Variants in ANO3 observed in about 807,000 individuals in gnomAD.
ANO3 encodes the protein anoctamin-3.
Under a neutral mutation model 144.8 loss-of-function variants are expected in ANO3, and 99 were observed. The ratio of observed to expected loss-of-function variants is 0.68; its 90% CI spans 0.58 to 0.81. The LOEUF is 0.81. Among genes scored for constraint, ANO3 ranks in the 30% least tolerant of loss-of-function variants. The probability of loss-of-function intolerance (pLI) is 0.00; values close to 1 mark genes in which losing one functional copy is unlikely to be tolerated. For synonymous variants in ANO3, 414 were observed against 392.6 expected, an observed-to-expected ratio of 1.05 and a Z score of -0.64; for missense variants, 905 against 1,202.2, an observed-to-expected ratio of 0.75 and a Z score of 3.66.
chr11:26,582,155 C>T (rs1424643887), intron 14 of ANO3, among the ~76,000 whole-genome samples: 1 of 152,170 alleles, frequency 6.6e-6, no homozygotes, highest in Non-Finnish European at 1.5e-5. Flanking sequence ...AATCCATGGT[C>T]TTTGTTCAGT....
At chr11:26,407,718 C>T (rs1179193102) in intron 1 of ANO3, among the ~76,000 whole-genome samples, 1 of 151,834 alleles carries the variant, frequency 6.6e-6, no homozygotes, top group East Asian at 1.9e-4. Flanking sequence ...CTTGCAATGG[C>T]TCTCCGTTTC....
chr11:26,517,524 T>C (rs1330437811), intron 6 of ANO3, among the ~76,000 whole-genome samples: 2 of 152,026 alleles, frequency 1.3e-5, no homozygotes, highest in Non-Finnish European at 2.9e-5. Context: ...CTTTCCTCCA[T>C]CATTTCTCAC....
chr11:26,624,513 CT>C lies in ANO3; in HGVS notation c.1873+17del. 6.3e-7 allele frequency: 1 copy of C among 1,589,136 alleles called. No homozygotes were observed. The highest frequency in any genetic ancestry group is 8.6e-7 in the Non-Finnish European group (1 of 1,158,686). ...CACCAATTTAGGTAAGTCCATTTTT[CT>C]TACTTCACTCCTTAGTCAGAAAATA... On this transcript the variant is annotated intron_variant, in intron 18 of 26. Transcript: ENST00000256737.
chr11:26,303,937 T>C (rs1259632528), intron 1 of ANO3, among the ~76,000 whole-genome samples: 1 of 152,068 alleles, frequency 6.6e-6, no homozygotes, highest in Non-Finnish European at 1.5e-5. Flanking sequence ...CGGGTCTCGA[T>C]CTCTTGACCT....
intron 6 of ANO3, among the ~76,000 whole-genome samples, chr11:26,518,723 C>A (rs1248267594): frequency 2.0e-5 from 3 of 151,392 alleles, no homozygotes; most frequent in African/African-American, 2.4e-5. Flanking sequence ...TGAATGGGTA[C>A]AAAGATTTCT....
At chr11:26,202,045 G>A (rs983260468) in intron 1 of ANO3, among the ~76,000 whole-genome samples, 22 of 150,768 alleles carry the variant, frequency 1.5e-4, no homozygotes, top group African/African-American at 5.1e-4. Context: ...GATACAGCTT[G>A]CATTGGAAAA....
intron 3 of ANO3, among the ~76,000 whole-genome samples, chr11:26,452,377 G>T (rs1350847645): frequency 6.6e-6 from 1 of 152,154 alleles, no homozygotes; most frequent in Non-Finnish European, 1.5e-5. Context: ...ATACAGAGAA[G>T]TGCTTAAAGG....
At chr11:26,213,893 G>T (rs1851984363) in intron 1 of ANO3, among the ~76,000 whole-genome samples, 1 of 151,960 alleles carries the variant, frequency 6.6e-6, no homozygotes, top group African/African-American at 2.4e-5. Context: ...AAGGACTATT[G>T]CAAATCATTG....
At chr11:26,387,252 A>G (rs1053165462) in intron 1 of ANO3, among the ~76,000 whole-genome samples, 1 of 151,308 alleles carries the variant, frequency 6.6e-6, no homozygotes, top group African/African-American at 2.4e-5. Flanking sequence ...GATTACAGAC[A>G]TGAGCCACCA....
At chr11:26,358,049 A>G (rs936839553) in intron 1 of ANO3, among the ~76,000 whole-genome samples, 10 of 152,320 alleles carry the variant, frequency 6.6e-5, no homozygotes, top group East Asian at 1.9e-4. Context: ...TCTTTATAAC[A>G]ACTTCATACG....
chr11:26,484,400 G>A (rs945923652), intron 4 of ANO3, among the ~76,000 whole-genome samples: 6 of 152,146 alleles, frequency 3.9e-5, no homozygotes, highest in African/African-American at 1.2e-4. Flanking sequence ...TATGTCTCAG[G>A]CCACTGCTCC....
intron 1 of ANO3, among the ~76,000 whole-genome samples, chr11:26,302,581 C>T (rs928308201): frequency 3.3e-5 from 5 of 151,962 alleles, no homozygotes; most frequent in African/African-American, 1.2e-4. Flanking sequence ...CGGCCTTAAA[C>T]AAATATTACT....
At chr11:26,283,319 TAA>T (rs201578197) in intron 1 of ANO3, among the ~76,000 whole-genome samples, 511 of 36,384 alleles carry the variant, frequency 0.014, 2 homozygotes, top group South Asian at 0.015. Flanking sequence ...AACAAATAAA[TAA>T]ATATATATAT....
intron 1 of ANO3, among the ~76,000 whole-genome samples, chr11:26,393,432 A>T (rs1856931018): frequency 1.3e-5 from 2 of 152,138 alleles, no homozygotes; most frequent in African/African-American, 2.4e-5. Flanking sequence ...AGGGAATGAA[A>T]GAGGGGAAAG....
chr11:26,344,773 T>C (rs904541677), intron 1 of ANO3, among the ~76,000 whole-genome samples: 1 of 152,164 alleles, frequency 6.6e-6, no homozygotes, highest in Non-Finnish European at 1.5e-5. Flanking sequence ...GATAACTGAG[T>C]TGGTGGTAAG....
chr11:26,294,454 T>C (rs546163880), intron 1 of ANO3, among the ~76,000 whole-genome samples: 1 of 150,390 alleles, frequency 6.6e-6, no homozygotes, highest in Admixed American at 6.5e-5. Flanking sequence ...ATGTATTACA[T>C]GTTGATTTGA....
chr11:26,253,332 T>C (rs1424625903), intron 1 of ANO3, among the ~76,000 whole-genome samples: 1 of 152,072 alleles, frequency 6.6e-6, no homozygotes, highest in Non-Finnish European at 1.5e-5. Flanking sequence ...GGTTATCACT[T>C]ATAAGTGGGA....
intron 1 of ANO3, among the ~76,000 whole-genome samples, chr11:26,357,966 G>T (rs916940805): frequency 6.6e-6 from 1 of 152,028 alleles, no homozygotes; most frequent in Non-Finnish European, 1.5e-5. Flanking sequence ...TTTGCAATTT[G>T]TCAAAAATCA....
At chr11:26,587,419 C>T (rs1851317854) in intron 14 of ANO3, among the ~76,000 whole-genome samples, 1 of 152,192 alleles carries the variant, frequency 6.6e-6, no homozygotes, top group African/African-American at 2.4e-5. Flanking sequence ...TTGCTTAGAT[C>T]TTGGCATAAA....
Sources: allele counts gnomAD v4.1 joint callset (sites outside exome capture counted in the v4.1 genomes callset), GRCh38; gene constraint gnomAD v4.1.1; transcripts MANE v1.5; gene names NCBI Gene and HGNC (gene_info 2026-07-23, HGNC 2026-07-21).